Variants in EYA2 observed in about 807,000 individuals in gnomAD.
The protein encoded by EYA2 is EYA transcriptional coactivator and phosphatase 2.
A neutral mutation model predicts 69.2 loss-of-function variants in EYA2; 31 were observed. The observed-to-expected ratio is 0.45, with a 90% CI of 0.34 to 0.60. The LOEUF (loss-of-function observed/expected upper bound fraction) is 0.60. Among genes scored for constraint, EYA2 ranks in the 20% least tolerant of loss-of-function variants. The pLI is 0.02. For missense variants in EYA2, 622 were observed against 701.2 expected (o/e 0.89, Z 1.28); for synonymous variants, 257 against 279.4 (o/e 0.92, Z 0.80).
At chr20:47,132,098 A>G (rs1021452874) in intron 9 of EYA2, among the ~76,000 whole-genome samples, 1 of 152,112 alleles carries the variant, frequency 6.6e-6, no homozygotes, top group Non-Finnish European at 1.5e-5. Context: ...GTAGGCACAC[A>G]CCACCACGCC....
At chr20:46,994,787 G>A (rs578201936) in intron 2 of EYA2, among the ~76,000 whole-genome samples, 28 of 151,918 alleles carry the variant, frequency 1.8e-4, no homozygotes, top group Admixed American at 3.3e-4. Context: ...TAATCCCATC[G>A]TGGCCTCCAC....
chr20:47,112,757 T>C (rs2146542846), intron 9 of EYA2, among the ~76,000 whole-genome samples: 1 of 151,964 alleles, frequency 6.6e-6, no homozygotes, highest in East Asian at 1.9e-4. Context: ...TTATTGTTAC[T>C]CTTCTTATTT....
intron 1 of EYA2, among the ~76,000 whole-genome samples, chr20:46,903,688 T>C (rs767449482): frequency 9.2e-5 from 14 of 152,042 alleles, no homozygotes; most frequent in Non-Finnish European, 1.6e-4. Flanking sequence ...AAAGCTATCG[T>C]GGAGATTGAG....
intron 1 of EYA2, among the ~76,000 whole-genome samples, chr20:46,909,508 A>C (rs527423404): frequency 6.6e-6 from 1 of 152,212 alleles, no homozygotes; most frequent in Admixed American, 6.5e-5. Flanking sequence ...AGATTGCTCC[A>C]GATGTAAGTG....
chr20:47,081,384 T>G (rs983973339), intron 7 of EYA2, among the ~76,000 whole-genome samples: 1 of 152,166 alleles, frequency 6.6e-6, no homozygotes, highest in Non-Finnish European at 1.5e-5. Flanking sequence ...CCATCCCCAA[T>G]ATATACATAT....
intron 3 of EYA2, among the ~76,000 whole-genome samples, chr20:47,003,758 G>T (rs1375801500): frequency 6.6e-6 from 1 of 152,206 alleles, no homozygotes; most frequent in Non-Finnish European, 1.5e-5. Context: ...GCTATCTGCA[G>T]GGCTGGATGA....
At chr20:46,957,035 G>A (rs1202209180) in intron 1 of EYA2, among the ~76,000 whole-genome samples, 1 of 152,204 alleles carries the variant, frequency 6.6e-6, no homozygotes, top group Non-Finnish European at 1.5e-5. Flanking sequence ...AGAGATTTGG[G>A]TGGGGACACA....
intron 2 of EYA2, among the ~76,000 whole-genome samples, chr20:46,996,627 G>C (rs758035578): frequency 6.6e-6 from 1 of 152,146 alleles, no homozygotes; most frequent in African/African-American, 2.4e-5. Context: ...TAGACAGGAG[G>C]CTTCGGGTCC....
At chr20:47,071,721 C>G (rs976744744) in intron 5 of EYA2, 1 of 164,798 alleles carries the variant, frequency 6.1e-6, no homozygotes, top group Non-Finnish European at 1.3e-5. Context: ...AATTGAGGTT[C>G]AGAGAAATTT....
chr20:47,050,364 C>G (rs1350335538), intron 5 of EYA2, among the ~76,000 whole-genome samples: 4 of 152,174 alleles, frequency 2.6e-5, no homozygotes, highest in Non-Finnish European at 4.4e-5. Flanking sequence ...TTGGGCTGAC[C>G]TAGTAAATAC....
rs553553927 is a variant in EYA2 at position 46,950,069 on chromosome 20, A to G, written c.-10-39932A>G. The stretch of plus-strand genomic sequence containing the variant: ...CCACTGTGCATGCAAAGTGCTCAAC[A>G]CAGTGCCTGGCACAGAGTAAGCTCC... On this transcript the variant is annotated intron_variant, in intron 1 of 15. Coordinates refer to ENST00000327619, the MANE Select transcript of EYA2 (RefSeq NM_005244.5). 7.8e-4 allele frequency among the ~76,000 whole-genome samples: 119 copies of G among 152,336 alleles called. 1 individual carries two copies. In the South Asian group the frequency reaches 0.024, roughly 31 times the overall value.
At chr20:47,133,216 G>A (rs1250110895) in intron 9 of EYA2, among the ~76,000 whole-genome samples, 2 of 151,988 alleles carry the variant, frequency 1.3e-5, no homozygotes, top group South Asian at 2.1e-4. Flanking sequence ...GATGGCTGCC[G>A]GCATCCTTGA....
intron 7 of EYA2, 130 bp from the exon 8 acceptor site, chr20:47,089,109 C>A: frequency 9.4e-7 from 1 of 1,062,176 alleles, no homozygotes; most frequent in African/African-American, 1.6e-5. Flanking sequence ...TTTCATCCTA[C>A]GAGATCTTTG....
At chr20:47,062,802 G>C (rs1224393377) in intron 5 of EYA2, among the ~76,000 whole-genome samples, 1 of 152,152 alleles carries the variant, frequency 6.6e-6, no homozygotes, top group Non-Finnish European at 1.5e-5. Flanking sequence ...ATATGGAAAG[G>C]GGGTATGCAG....
At chr20:47,179,579 A>AT (rs1568830786) in intron 12 of EYA2, among the ~76,000 whole-genome samples, 2 of 150,100 alleles carry the variant, frequency 1.3e-5, no homozygotes, top group African/African-American at 4.9e-5. Flanking sequence ...GATGAATGGA[A>AT]GGGTGGATGG....
chr20:46,895,382 CA>C (rs922949981), intron 1 of EYA2, among the ~76,000 whole-genome samples: 1 of 152,252 alleles, frequency 6.6e-6, no homozygotes, highest in Non-Finnish European at 1.5e-5. Flanking sequence ...CCCCAGTCCG[CA>C]AACTCAAGCC....
chr20:46,942,900 G>A (rs1986214531), intron 1 of EYA2, among the ~76,000 whole-genome samples: 1 of 152,238 alleles, frequency 6.6e-6, no homozygotes, highest in Admixed American at 6.5e-5. Context: ...TGAGTTGCTA[G>A]GATTACAGAC....
chr20:46,975,086 T>A (rs1980379721), intron 1 of EYA2, among the ~76,000 whole-genome samples: 2 of 152,054 alleles, frequency 1.3e-5, no homozygotes, highest in Admixed American at 1.3e-4. Flanking sequence ...AGTTAAGGGT[T>A]TTGGGTCGGG....
intron 5 of EYA2, among the ~76,000 whole-genome samples, chr20:47,061,968 TC>T (rs2030911478): frequency 6.6e-6 from 1 of 152,210 alleles, no homozygotes; most frequent in Non-Finnish European, 1.5e-5. Flanking sequence ...ATAACTCATT[TC>T]TGCTGTTCCT....
Sources: allele counts gnomAD v4.1 joint callset (sites outside exome capture counted in the v4.1 genomes callset), GRCh38; gene constraint gnomAD v4.1.1; transcripts MANE v1.5; gene names NCBI Gene and HGNC (gene_info 2026-07-23, HGNC 2026-07-21).